The following ELMO1 variants were observed in gnomAD, a reference collection of about 807,000 sequenced individuals.
The protein encoded by ELMO1 is engulfment and cell motility 1, also known as engulfment and cell motility protein 1.
ELMO1 carries 26 observed loss-of-function variants against 98.9 expected under a neutral mutation model. The observed-to-expected ratio is 0.26, with a 90% confidence interval of 0.19 to 0.36. ELMO1 has a LOEUF of 0.36. ELMO1 is among the 10% of genes least tolerant of loss of function. The pLI is 1.00. For synonymous variants in ELMO1, 346 were observed against 346.0 expected (o/e 1.00, Z 0.00); for missense variants, 627 against 935.2 (o/e 0.67, Z 4.30).
At chr7:36,957,436 C>T (rs1176800885) in intron 16 of ELMO1, among the ~76,000 whole-genome samples, 2 of 131,822 alleles carry the variant, frequency 1.5e-5, no homozygotes, top group Non-Finnish European at 2.9e-5. Context: ...TACTCTCCAC[C>T]TGGTCATGCC....
Position 37,239,705 on chromosome 7 carries a change from C to G in ELMO1, c.449+4651G>C, listed in dbSNP as rs1281712507. Among the ~76,000 whole-genome samples the G allele has an allele frequency of 2.7e-5, 4 of 150,124 alleles. No individual in the cohort carries two copies. The East Asian group carries it at 8.0e-4, about 30-fold the overall frequency. ...TGCCTGCGAAGGGAAGGGGAAGAAGCAAATGCAGATCTGAAAATGTCTCAG... is the reference window on the plus strand; with the variant it reads ...TGCCTGCGAAGGGAAGGGGAAGAAGGAAATGCAGATCTGAAAATGTCTCAG... On this transcript the variant is annotated intron_variant, in intron 7 of 21. Transcript: ENST00000310758.
intron 16 of ELMO1, among the ~76,000 whole-genome samples, chr7:36,991,148 G>A (rs896524291): frequency 7.9e-5 from 12 of 152,184 alleles, no homozygotes; most frequent in African/African-American, 2.9e-4. Flanking sequence ...TTATGAGGGA[G>A]GTCATCAGGG....
intron 19 of ELMO1, among the ~76,000 whole-genome samples, chr7:36,875,313 A>G (rs948660669): frequency 6.6e-6 from 1 of 152,108 alleles, no homozygotes; most frequent in Non-Finnish European, 1.5e-5. Context: ...AATTCATTAC[A>G]TGAGTATACC....
chr7:37,186,072 A>G (rs568926821), intron 13 of ELMO1, among the ~76,000 whole-genome samples: 5 of 152,202 alleles, frequency 3.3e-5, no homozygotes, highest in Middle Eastern at 3.2e-3. Context: ...ACTTACTACA[A>G]AGTTTCCATA....
chr7:36,873,181 G>C (rs1241059366), intron 19 of ELMO1, among the ~76,000 whole-genome samples: 1 of 152,152 alleles, frequency 6.6e-6, no homozygotes, highest in Non-Finnish European at 1.5e-5. Flanking sequence ...AGCTTTTAAA[G>C]GTTGCTTTTT....
At chr7:37,211,799 G>T (rs1792992371) in intron 12 of ELMO1, among the ~76,000 whole-genome samples, 1 of 151,856 alleles carries the variant, frequency 6.6e-6, no homozygotes, top group African/African-American at 2.4e-5. Flanking sequence ...AGTCTTAACT[G>T]AGAGGCCCAG....
intron 6 of ELMO1, among the ~76,000 whole-genome samples, chr7:37,253,730 A>AC (rs1340580247): frequency 7.9e-5 from 12 of 151,828 alleles, no homozygotes; most frequent in Admixed American, 2.0e-4. Flanking sequence ...TAAAAAAAAA[A>AC]AAAAAACAAA....
At chr7:37,128,523 A>T (rs1192353519) in intron 14 of ELMO1, among the ~76,000 whole-genome samples, 1 of 146,250 alleles carries the variant, frequency 6.8e-6, no homozygotes, top group Non-Finnish European at 1.5e-5. Context: ...ATTCCTCCTC[A>T]TGTTCTGTGC....
At chr7:36,941,850 TCA>T (rs1787068127) in intron 16 of ELMO1, among the ~76,000 whole-genome samples, 1 of 152,218 alleles carries the variant, frequency 6.6e-6, no homozygotes, top group African/African-American at 2.4e-5. Context: ...TCCTCTGGTT[TCA>T]CAGATGAGCA....
At chr7:37,137,323 TG>T (rs1363445741) in intron 13 of ELMO1, among the ~76,000 whole-genome samples, 3 of 152,024 alleles carry the variant, frequency 2.0e-5, no homozygotes, top group African/African-American at 7.2e-5. Flanking sequence ...ACAATAATAG[TG>T]GGGGACTTTA....
At chr7:37,225,178 C>A in intron 8 of ELMO1, 148 bp from the exon 9 acceptor site, 4 of 817,234 alleles carry the variant, frequency 4.9e-6, no homozygotes, top group Non-Finnish European at 7.7e-6. Flanking sequence ...AGCAAGAAAC[C>A]CATTGAACTA....
chr7:36,947,217 C>T (rs569308151), intron 16 of ELMO1, among the ~76,000 whole-genome samples: 16 of 152,242 alleles, frequency 1.1e-4, no homozygotes, highest in South Asian at 2.1e-4. Flanking sequence ...GGTGAACATG[C>T]GGTATTTGAT....
intron 4 of ELMO1, among the ~76,000 whole-genome samples, chr7:37,280,830 T>G (rs1265198987): frequency 6.6e-6 from 1 of 152,008 alleles, no homozygotes; most frequent in African/African-American, 2.4e-5. Context: ...TACCATTTGA[T>G]CCAGCAGTCC....
intron 17 of ELMO1, among the ~76,000 whole-genome samples, chr7:36,887,976 A>C (rs765924364): frequency 1.3e-5 from 2 of 152,232 alleles, no homozygotes; most frequent in Admixed American, 6.5e-5. Context: ...CCACGGATAC[A>C]AAGTTATGCA....
At chr7:37,022,804 T>C (rs1026097762) in intron 15 of ELMO1, among the ~76,000 whole-genome samples, 1 of 152,214 alleles carries the variant, frequency 6.6e-6, no homozygotes, top group African/African-American at 2.4e-5. Flanking sequence ...CACTATTTGT[T>C]ACAGCCAAAA....
chr7:36,863,590 T>C (rs1333197152), intron 20 of ELMO1, among the ~76,000 whole-genome samples: 1 of 152,198 alleles, frequency 6.6e-6, no homozygotes, highest in Non-Finnish European at 1.5e-5. Flanking sequence ...CTCTTTTGGG[T>C]AATAAAGAAA....
intron 15 of ELMO1, among the ~76,000 whole-genome samples, chr7:37,040,294 T>C (rs910684957): frequency 3.9e-5 from 6 of 152,204 alleles, no homozygotes; most frequent in Admixed American, 3.9e-4. Context: ...TTGGGATCAT[T>C]TTCCTGATTA....
intron 14 of ELMO1, among the ~76,000 whole-genome samples, chr7:37,112,300 A>G (rs1282730966): frequency 1.3e-5 from 2 of 152,176 alleles, no homozygotes; most frequent in East Asian, 3.9e-4. Context: ...AAAGGGAGTG[A>G]CATGGAAGCA....
chr7:36,999,401 A>G (rs1166923762), intron 16 of ELMO1, among the ~76,000 whole-genome samples: 1 of 152,184 alleles, frequency 6.6e-6, no homozygotes, highest in Non-Finnish European at 1.5e-5. Context: ...AAACAACTCC[A>G]TGACGATCAG....
Sources: gnomAD v4.1 joint callset for allele counts (sites outside exome capture counted in the v4.1 genomes callset) on GRCh38, gnomAD v4.1.1 for gene constraint, MANE v1.5 for transcripts, NCBI Gene and HGNC (gene_info 2026-07-23, HGNC 2026-07-21) for gene names.